The following LYSMD3 variants were observed in gnomAD, a reference collection of about 807,000 sequenced individuals.
LYSMD3 encodes lysM and putative peptidoglycan-binding domain-containing protein 3.
Under a neutral mutation model 26.1 loss-of-function variants are expected in LYSMD3, and 13 were observed. The ratio of observed to expected loss-of-function variants is 0.50; its 90% CI spans 0.32 to 0.79. The LOEUF (loss-of-function observed/expected upper bound fraction) is 0.79, where lower values mean the gene tolerates loss of function less well. LYSMD3 is among the 30% of genes least tolerant of loss of function. The pLI, the probability that LYSMD3 is intolerant of heterozygous loss-of-function variation, is 0.03. For synonymous variants in LYSMD3, 109 were observed against 119.4 expected (o/e 0.91, Z 0.57); for missense variants, 331 against 362.5 (o/e 0.91, Z 0.71).
intron 2 of LYSMD3, among the ~76,000 whole-genome samples, chr5:90,520,976 A>G (rs1186873496): frequency 3.3e-5 from 5 of 152,182 alleles, no homozygotes; most frequent in African/African-American, 1.2e-4. Context: ...ATTCACTAGA[A>G]AAAGCCTGAG....
chr5:90,519,095 T>C lies in LYSMD3; in HGVS notation c.645A>G (p.Gly215=), dbSNP rs373220565. The C allele has an allele frequency of 6.9e-5, 111 of 1,614,136 alleles. No homozygotes were observed. The African/African-American group carries it at 1.3e-3, about 19-fold the overall frequency. ...TCACTACAGCTGTCCACCACCCTAT[T>C]CCCCAGTCTGCTCCATAATAGGGGT... ...RKDPYYGADW[G]IGWWTAVVIM... is the part of the protein sequence containing the mutation. The change falls in exon 3 of 3, where the codon GGA becomes GGG. Residue 215 remains glycine, a synonymous_variant. Coordinates refer to ENST00000315948, the MANE Select transcript of LYSMD3 (RefSeq NM_198273.2).
At position 90,518,977 on chromosome 5, in the gene LYSMD3, C is replaced by A. The variant is rs763459546; in HGVS notation, c.763G>T (p.Asp255Tyr). 1 of 1,613,948 alleles carries A rather than the reference C, an allele frequency of 6.2e-7. No individual in the cohort carries two copies. Among genetic ancestry groups the A allele is most frequent in the East Asian group, 2.2e-5 (1 of 44,866 alleles). The change falls in exon 3 of 3, where the codon GAC (aspartate) becomes TAC (tyrosine). Residue 255 changes from aspartate (D) to tyrosine (Y), a missense_variant. Transcript: ENST00000315948. Reference sequence around the variant, plus strand: ...ATTTTTGAATGTAAATGTGAAGAGTCCACTGTTGAATGATGACTAACATCC... The same window carrying A: ...ATTTTTGAATGTAAATGTGAAGAGTACACTGTTGAATGATGACTAACATCC... Reference protein sequence around the residue: ...KVDVSHHSTVDSSHLHSKITP... With the variant: ...KVDVSHHSTVYSSHLHSKITP...
Position 90,519,179 on chromosome 5 carries a change from C to T in LYSMD3, c.561G>A (p.Ser187=), listed in dbSNP as rs984402853. Residue 187 remains serine (S), a synonymous_variant, in exon 3 of 3, where the codon TCG becomes TCA. Transcript: ENST00000315948. Reference sequence around the variant, plus strand: ...AACGCATTTGTTGTGCTGTTAAGGCCGATACTACCTCATTGAGGTTCTCTC... The same window carrying T: ...AACGCATTTGTTGTGCTGTTAAGGCTGATACTACCTCATTGAGGTTCTCTC... ...NKRENLNEVV[S]ALTAQQMRFE... 50 of 1,613,774 alleles carry T rather than the reference C, an allele frequency of 3.1e-5. No homozygotes were observed. Among genetic ancestry groups the T allele is most frequent in the African/African-American group, 5.3e-5 (4 of 74,866 alleles).
chr5:90,528,331 A>G (rs1157705951), intron 1 of LYSMD3, among the ~76,000 whole-genome samples: 7 of 152,226 alleles, frequency 4.6e-5, no homozygotes, highest in Non-Finnish European at 1.0e-4. Context: ...GTGTCTTGTT[A>G]GACAGTTTCA....
At chr5:90,524,168 C>G (rs1489686387) in intron 2 of LYSMD3, among the ~76,000 whole-genome samples, 2 of 152,112 alleles carry the variant, frequency 1.3e-5, no homozygotes, top group Non-Finnish European at 2.9e-5. Flanking sequence ...GTTAATACTA[C>G]AGACATTATA....
Position 90,529,514 on chromosome 5 carries a change from G to A in LYSMD3, c.-78C>T, listed in dbSNP as rs1376312589. 8 of 456,476 alleles carry A rather than the reference G, an allele frequency of 1.8e-5. No individual in the cohort carries two copies. Among genetic ancestry groups the A allele is most frequent in the Non-Finnish European group, 3.5e-5 (8 of 226,966 alleles). 28.3% of individuals were successfully genotyped at this position (456,476 alleles called of 1,614,324 possible). ...AAAGGTCCGCCGCCGCCGCTGTCCC[G>A]GGTAAGTTCATGGCCGAGCCTCTGC... On this transcript the variant is annotated 5_prime_UTR_variant, in exon 1 of 3. Transcript: ENST00000315948.
chr5:90,520,270 G>C (rs146174594), intron 2 of LYSMD3: 166 of 406,966 alleles, frequency 4.1e-4, no homozygotes, highest in African/African-American at 3.1e-3. Flanking sequence ...AGAGGGGAGT[G>C]TCTGGCAGAT....
chr5:90,519,147 G>A lies in LYSMD3; in HGVS notation c.593C>T (p.Pro198Leu). 6.2e-7 allele frequency: 1 copy of A among 1,614,032 alleles called. No homozygotes were observed. The highest frequency in any genetic ancestry group is 8.5e-7 in the Non-Finnish European group (1 of 1,179,968). The change falls in exon 3 of 3, where the codon CCT (proline) becomes CTT (leucine). Residue 198 changes from proline to leucine, a missense_variant. Transcript: ENST00000315948. Reference protein sequence around the residue: ...ALTAQQMRFEPDNKNTQRKDP... With the variant: ...ALTAQQMRFELDNKNTQRKDP... ...TTTACGTTGAGTGTTTTTGTTATCAGGTTCAAAACGCATTTGTTGTGCTGT... is the reference window on the plus strand; with the variant it reads ...TTTACGTTGAGTGTTTTTGTTATCAAGTTCAAAACGCATTTGTTGTGCTGT...
At position 90,516,658 on chromosome 5, in the gene LYSMD3, T is replaced by C. The variant is rs1212777644; in HGVS notation, c.*2161A>G. 1.3e-5 allele frequency: 2 copies of C among 152,312 alleles called. No individual in the cohort carries two copies. The highest frequency in any genetic ancestry group is 2.9e-5 in the Non-Finnish European group (2 of 67,916). 9.4% of individuals were successfully genotyped at this position (152,312 alleles called of 1,614,324 possible). The stretch of plus-strand genomic sequence containing the variant: ...GAACCATAATTCAATATGTAACCTT[T>C]ATATAGAATTATATGTAACTCAAAT... On this transcript the variant is annotated 3_prime_UTR_variant, in exon 3 of 3. Coordinates refer to ENST00000315948, the MANE Select transcript of LYSMD3 (RefSeq NM_198273.2).
chr5:90,529,384 G>A, intron 1 of LYSMD3, 64 bp downstream of exon 1: 1 of 456,330 alleles, frequency 2.2e-6, no homozygotes, highest in Non-Finnish European at 4.4e-6. Flanking sequence ...CCGTGAGGAC[G>A]CAGCTGGGGC....
chr5:90,524,067 T>C (rs1023453049), intron 2 of LYSMD3, among the ~76,000 whole-genome samples: 3 of 152,184 alleles, frequency 2.0e-5, no homozygotes, highest in Non-Finnish European at 2.9e-5. Flanking sequence ...CATTTAAAGA[T>C]ATAGTTGTGA....
chr5:90,525,258 G>A lies in LYSMD3; in HGVS notation c.32C>T (p.Pro11Leu). The A allele has an allele frequency of 6.2e-7, 1 of 1,611,328 alleles. No individual in the cohort carries two copies. The highest frequency in any genetic ancestry group is 8.5e-7 in the Non-Finnish European group (1 of 1,179,172). Residue 11 changes from proline (P) to leucine (L), a missense_variant, in exon 2 of 3, where the codon CCT (proline) becomes CTT (leucine). Pro to Leu is a moderately conservative substitution (Grantham distance 98, BLOSUM62 -3). Around this residue, in one of 3 missense-constraint regions of LYSMD3, gnomAD observed 262 missense variants for 267.3 expected, o/e 0.98. Transcript: ENST00000315948. MAGRHQNRSF[P>L]LPGVQSSGQV... ...ACCACTTGACTGAACTCCTGGAAGA[G>A]GAAAACTACGATTCTGATGCCTCCC... is the stretch of plus-strand genomic sequence containing the variant.
In LYSMD3 at chr5:90,519,220, A is replaced by C; in HGVS notation, c.520T>G (p.Cys174Gly). ...VDRDIEQIVKCTDNKRENLNE... is the reference protein window; with the variant it reads ...VDRDIEQIVKGTDNKRENLNE... ...AGGTTCTCTCTCTTATTGTCTGTACACTTTACTATTTGTTCTATGTCTCGG... is the reference window on the plus strand; with the variant it reads ...AGGTTCTCTCTCTTATTGTCTGTACCCTTTACTATTTGTTCTATGTCTCGG... The change falls in exon 3 of 3, where the codon TGT becomes GGT. Residue 174 changes from cysteine to glycine, a missense_variant. By Grantham distance (159) the Cys-to-Gly change is radical. Transcript: ENST00000315948. 6.2e-7 allele frequency: 1 copy of C among 1,613,762 alleles called. No individual in the cohort carries two copies. The highest frequency in any genetic ancestry group is 8.5e-7 in the Non-Finnish European group (1 of 1,179,930).
chr5:90,525,430 G>C (rs1753200230), intron 1 of LYSMD3, 130 bp from the exon 2 acceptor site: 27 of 942,616 alleles, frequency 2.9e-5, no homozygotes, highest in Non-Finnish European at 3.8e-5. Flanking sequence ...AAACATTTAG[G>C]TTTAAGTTCG....
intron 2 of LYSMD3, among the ~76,000 whole-genome samples, 192 bp downstream of exon 2, chr5:90,524,843 C>T (rs1219889062): frequency 2.0e-5 from 3 of 152,154 alleles, no homozygotes; most frequent in African/African-American, 4.8e-5. Context: ...CCACCCGCCT[C>T]GGCCTCCCAA....
Position 90,529,582 on chromosome 5 carries a change from T to C in LYSMD3, c.-146A>G, listed in dbSNP as rs992729825. The C allele has an allele frequency of 6.6e-6, 3 of 455,402 alleles. No individual in the cohort carries two copies. Among genetic ancestry groups the C allele is most frequent in the Non-Finnish European group, 1.3e-5 (3 of 226,424 alleles). 28.2% of individuals were successfully genotyped at this position (455,402 alleles called of 1,614,324 possible). A position where few individuals can be genotyped will look rare whatever the true frequency, so the allele number is the denominator to read the frequency against. ...CGCCTCCGCCTCTGCCGCCAACGTC[T>C]CCGCCTTCCGGGCCGTACGCCGCCG... On this transcript the variant is annotated 5_prime_UTR_variant, in exon 1 of 3. Transcript: ENST00000315948.
At chr5:90,523,838 G>C (rs1228425399) in intron 2 of LYSMD3, among the ~76,000 whole-genome samples, 1 of 152,032 alleles carries the variant, frequency 6.6e-6, no homozygotes, top group South Asian at 2.1e-4. Context: ...AATTCTATTG[G>C]GAGTATGAGA....
rs781021218 is a variant in LYSMD3 at position 90,518,918 on chromosome 5, A to G, written c.822T>C (p.Asn274=). The G allele has an allele frequency of 6.2e-7, 1 of 1,613,976 alleles. No homozygotes were observed. The highest frequency in any genetic ancestry group is 1.1e-5 in the South Asian group (1 of 91,078). The change falls in exon 3 of 3, where the codon AAT becomes AAC. Residue 274 remains asparagine, a synonymous_variant. Coordinates refer to ENST00000315948, the MANE Select transcript of LYSMD3 (RefSeq NM_198273.2). ...GTATTCCTTTAGTTGGCACAATTCC[A>G]TTTTCCATTTCTCTCTGCTGTGATG... ...TPPSQQREME[N]GIVPTKGIHF... is the part of the protein sequence containing the mutation.
At chr5:90,527,628 CTATGTG>C (rs1380807188) in intron 1 of LYSMD3, among the ~76,000 whole-genome samples, 1 of 151,394 alleles carries the variant, frequency 6.6e-6, no homozygotes, top group Non-Finnish European at 1.5e-5. Flanking sequence ...TACCTTCCGA[CTATGTG>C]TATAAGTTGA....
Sources: gnomAD v4.1 joint callset for allele counts (sites outside exome capture counted in the v4.1 genomes callset) on GRCh38, gnomAD v4.1.1 for gene constraint, gnomAD v4.1.1 regional missense constraint, MANE v1.5 for transcripts, NCBI Gene and HGNC (gene_info 2026-07-23, HGNC 2026-07-21) for gene names.